COQ4: variants seen among roughly 807,000 people sequenced by gnomAD.
The protein encoded by COQ4 is ubiquinone biosynthesis protein COQ4 homolog, mitochondrial.
COQ4 carries 36 observed loss-of-function variants against 30.2 expected under a neutral mutation model. The observed-to-expected ratio is 1.19, with a 90% CI of 0.91 to 1.57. The LOEUF (loss-of-function observed/expected upper bound fraction) is 1.57, where lower values mean the gene tolerates loss of function less well. Among genes scored for constraint, COQ4 ranks in the 40% most tolerant of loss-of-function variants. COQ4 has a pLI of 0.00. For missense variants in COQ4, 369 were observed against 371.9 expected, an observed-to-expected ratio of 0.99 and a Z score of 0.07; for synonymous variants, 197 against 161.0, an observed-to-expected ratio of 1.22 and a Z score of -1.69.
chr9:128,325,371 G>T, intron 3 of COQ4, 132 bp downstream of exon 3: 1 of 654,112 alleles, frequency 1.5e-6, no homozygotes, highest in Non-Finnish European at 2.7e-6. Flanking sequence ...GCACAGGCTG[G>T]GCACTGCCCA....
At chr9:128,328,074 C>G (rs955912538) in intron 4 of COQ4, among the ~76,000 whole-genome samples, 2 of 152,188 alleles carry the variant, frequency 1.3e-5, no homozygotes, top group Non-Finnish European at 2.9e-5. Context: ...ATGGCAAGGG[C>G]AAAGGCCCCT....
chr9:128,332,839 C>T lies in COQ4; in HGVS notation c.533-11C>T, dbSNP rs1832437101. The T allele has an allele frequency of 6.2e-7, 1 of 1,608,324 alleles. No homozygotes were observed. Among genetic ancestry groups the T allele is most frequent in the Non-Finnish European group, 8.5e-7 (1 of 1,174,648 alleles). ...AGCTTGTTCACCTCCCAACACATCC[C>T]TCACCCACAGGGGAGATCGTGGTGA... On this transcript the variant is annotated splice_polypyrimidine_tract_variant and intron_variant, in intron 5 of 6. Coordinates refer to ENST00000300452, the MANE Select transcript of COQ4 (RefSeq NM_016035.5).
At chr9:128,327,559 G>A (rs900205687) in intron 4 of COQ4, among the ~76,000 whole-genome samples, 15 of 152,138 alleles carry the variant, frequency 9.9e-5, no homozygotes, top group Admixed American at 9.8e-4. Context: ...TAATACTTTG[G>A]GGGGCTGAAG....
At chr9:128,327,368 G>T (rs1325961622) in intron 4 of COQ4, among the ~76,000 whole-genome samples, 1 of 151,984 alleles carries the variant, frequency 6.6e-6, no homozygotes. Flanking sequence ...GATTGAACCC[G>T]GGAGGCACAG....
chr9:128,330,367 C>A (rs1832385444), intron 4 of COQ4: 1 of 150,312 alleles, frequency 6.7e-6, no homozygotes, highest in African/African-American at 2.5e-5. Flanking sequence ...AGTGAGACTC[C>A]ATCTCAAAAA....
At position 128,323,287 on chromosome 9, in the gene COQ4, C is replaced by T. The variant is rs148705906; in HGVS notation, c.202+140C>T. 1.2e-3 allele frequency: 975 copies of T among 833,426 alleles called. 8 individuals carry two copies. The African/African-American group carries it at 0.014, about 12-fold the overall frequency. 51.6% of individuals were successfully genotyped at this position (833,426 alleles called of 1,614,324 possible). On this transcript the variant is annotated intron_variant, in intron 2 of 6. Transcript: ENST00000300452. Reference sequence around the variant, plus strand: ...GGAACGTTTATGAAAATGCAGATTCCTGGATCCCACCTAAACGCACTGAAT... The same window carrying T: ...GGAACGTTTATGAAAATGCAGATTCTTGGATCCCACCTAAACGCACTGAAT...
intron 2 of COQ4, among the ~76,000 whole-genome samples, chr9:128,324,741 C>G (rs763665676): frequency 1.3e-5 from 2 of 151,932 alleles, no homozygotes; most frequent in Non-Finnish European, 2.9e-5. Flanking sequence ...AGAGCAAGAC[C>G]CTGTCTCAAA....
intron 5 of COQ4, 178 bp downstream of exon 5, chr9:128,332,460 A>T: frequency 1.5e-6 from 1 of 687,690 alleles, no homozygotes; most frequent in Non-Finnish European, 2.4e-6. Context: ...ACTGCCCCTC[A>T]GGGCTCCTGC....
At chr9:128,331,960 C>A (rs1832420033) in intron 4 of COQ4, 193 bp from the exon 5 acceptor site, 1 of 559,696 alleles carries the variant, frequency 1.8e-6, no homozygotes, top group Non-Finnish European at 3.2e-6. Context: ...AACTCCTGAT[C>A]TCAGGTGATC....
chr9:128,332,953 C>A lies in COQ4; in HGVS notation c.626+10C>A. On this transcript the variant is annotated intron_variant, in intron 6 of 6. Transcript: ENST00000300452. ...TCCGACTTGGCGCTCAGTAAGTTTT[C>A]AAGTGGTAGCTGGGTCGGGGTTGAG... The A allele has an allele frequency of 6.2e-7, 1 of 1,608,156 alleles. No homozygotes were observed. The highest frequency in any genetic ancestry group is 8.5e-7 in the Non-Finnish European group (1 of 1,174,594).
intron 6 of COQ4, 89 bp from the exon 7 acceptor site, chr9:128,333,385 G>A: frequency 1.6e-6 from 2 of 1,222,812 alleles, no homozygotes; most frequent in South Asian, 3.5e-5. Context: ...GCCTTTGTGA[G>A]GATGAACTGA....
intron 4 of COQ4, among the ~76,000 whole-genome samples, chr9:128,329,117 G>T (rs959661426): frequency 1.3e-5 from 2 of 152,186 alleles, no homozygotes; most frequent in Non-Finnish European, 2.9e-5. Flanking sequence ...ATTAGGAGGA[G>T]CCTGAGTGAG....
rs1679890340 is a variant in COQ4 at position 128,333,903 on chromosome 9, T to C, written c.*258T>C. 2.6e-5 allele frequency: 8 copies of C among 309,804 alleles called. No individual in the cohort carries two copies. Among genetic ancestry groups the C allele is most frequent in the Middle Eastern group, 8.5e-4 (1 of 1,172 alleles). The allele number at this position is 309,804 out of a possible 1,614,324, so 19.2% of individuals were successfully genotyped here. On this transcript the variant is annotated 3_prime_UTR_variant, in exon 7 of 7. Coordinates refer to ENST00000300452, the MANE Select transcript of COQ4 (RefSeq NM_016035.5). ...GAACAGTATCAGTCGTCTGGGCTCA[T>C]GCTGGGATGTCGCAGTGCTCCTGTT...
intron 4 of COQ4, among the ~76,000 whole-genome samples, chr9:128,326,948 A>G (rs888732252): frequency 6.6e-6 from 1 of 151,032 alleles, no homozygotes; most frequent in African/African-American, 2.4e-5. Context: ...GGGTTTTACC[A>G]TATTAACCAG....
intron 2 of COQ4, 35 bp from the exon 3 acceptor site, chr9:128,325,108 A>G: frequency 6.6e-7 from 1 of 1,513,318 alleles, no homozygotes; most frequent in Non-Finnish European, 9.2e-7. Context: ...ACCTAAGATG[A>G]CATCCCCCAT....
chr9:128,325,065 G>T, intron 2 of COQ4, 78 bp from the exon 3 acceptor site: 1 of 986,080 alleles, frequency 1.0e-6, no homozygotes, highest in East Asian at 2.4e-5. Context: ...TTATCCTGTA[G>T]GAAACAAAGG....
chr9:128,333,031 G>T, intron 6 of COQ4, 88 bp downstream of exon 6: 1 of 947,240 alleles, frequency 1.1e-6, no homozygotes, highest in Non-Finnish European at 1.7e-6. Context: ...AGTAGGAAGA[G>T]CACACGGGCC....
intron 4 of COQ4, among the ~76,000 whole-genome samples, chr9:128,326,813 C>T (rs1356083073): frequency 1.3e-5 from 2 of 151,752 alleles, no homozygotes; most frequent in African/African-American, 4.8e-5. Flanking sequence ...GCAGTGGCGC[C>T]GTCTCGGCTC....
At position 128,333,690 on chromosome 9, in the gene COQ4, T is replaced by C; in HGVS notation, c.*45T>C. The C allele has an allele frequency of 1.4e-6, 2 of 1,459,840 alleles. No homozygotes were observed. Among genetic ancestry groups the C allele is most frequent in the Non-Finnish European group, 1.8e-6 (2 of 1,103,256 alleles). 90.4% of individuals were successfully genotyped at this position (1,459,840 alleles called of 1,614,324 possible). Reference sequence around the variant, plus strand: ...CTGGCCTACCTCCCCCATCCCCTGCTTCCCTTGGAGGCAGAGGGCTCCCTT... The same window carrying C: ...CTGGCCTACCTCCCCCATCCCCTGCCTCCCTTGGAGGCAGAGGGCTCCCTT... On this transcript the variant is annotated 3_prime_UTR_variant, in exon 7 of 7. Coordinates refer to ENST00000300452, the MANE Select transcript of COQ4 (RefSeq NM_016035.5).
Sources: allele counts gnomAD v4.1 joint callset (sites outside exome capture counted in the v4.1 genomes callset), GRCh38; gene constraint gnomAD v4.1.1; transcripts MANE v1.5; gene names NCBI Gene and HGNC (gene_info 2026-07-23, HGNC 2026-07-21).